WWOX: variants seen among roughly 807,000 people sequenced by gnomAD.
The protein encoded by WWOX is WW domain-containing oxidoreductase.
WWOX carries 69 observed loss-of-function variants against 46.2 expected under a neutral mutation model. That is an observed-to-expected ratio of 1.49 (90% confidence interval 1.23 to 1.82). The LOEUF is 1.82. Ranked by LOEUF, WWOX falls within the 40% of genes most tolerant of loss-of-function variation. WWOX has a pLI of 0.00. For missense variants in WWOX, 919 were observed against 542.6 expected (o/e 1.69, Z -6.89); for synonymous variants, 359 against 202.6 (o/e 1.77, Z -6.56).
intron 5 of WWOX, among the ~76,000 whole-genome samples, chr16:78,332,350 A>T (rs1196285815): frequency 6.6e-6 from 1 of 152,240 alleles, no homozygotes; most frequent in African/African-American, 2.4e-5. Flanking sequence ...CCAGTGGATT[A>T]TGAGTGCCTT....
At chr16:78,746,692 A>G (rs1314370629) in intron 8 of WWOX, among the ~76,000 whole-genome samples, 3 of 151,824 alleles carry the variant, frequency 2.0e-5, no homozygotes, top group African/African-American at 7.3e-5. Context: ...TTTTTCCCAT[A>G]GCCAATGCCT....
chr16:78,153,342 A>G (rs527927892), intron 4 of WWOX, among the ~76,000 whole-genome samples: 1 of 152,280 alleles, frequency 6.6e-6, no homozygotes, highest in Admixed American at 6.5e-5. Flanking sequence ...ATTTACATTA[A>G]TCAGATTAGT....
At chr16:78,440,161 C>T (rs2083413186) in intron 8 of WWOX, among the ~76,000 whole-genome samples, 1 of 152,072 alleles carries the variant, frequency 6.6e-6, no homozygotes, top group South Asian at 2.1e-4. Flanking sequence ...TACGTATGTA[C>T]ATATTTTAAT....
chr16:78,428,051 G>C (rs980347612), intron 7 of WWOX, among the ~76,000 whole-genome samples: 6 of 152,172 alleles, frequency 3.9e-5, no homozygotes, highest in Non-Finnish European at 7.3e-5. Context: ...CTGGGTGACA[G>C]AGCAAGACCC....
chr16:79,070,837 T>G (rs1301018288), intron 8 of WWOX, among the ~76,000 whole-genome samples: 1 of 152,148 alleles, frequency 6.6e-6, no homozygotes. Flanking sequence ...TCTATATTGG[T>G]GAGGGAGTGG....
At chr16:78,182,950 CAAAAA>C (rs1193436425) in intron 5 of WWOX, among the ~76,000 whole-genome samples, 2 of 115,086 alleles carry the variant, frequency 1.7e-5, no homozygotes, top group Admixed American at 9.3e-5. Flanking sequence ...GAATCTGTCT[CAAAAA>C]AAAAAAAAAA....
chr16:79,126,665 A>T (rs1270599906), intron 8 of WWOX, among the ~76,000 whole-genome samples: 1 of 152,200 alleles, frequency 6.6e-6, no homozygotes, highest in African/African-American at 2.4e-5. Context: ...TAGCAGTGTA[A>T]GAACAGACTA....
intron 8 of WWOX, among the ~76,000 whole-genome samples, chr16:79,110,512 C>G (rs942683119): frequency 1.5e-4 from 23 of 152,308 alleles, no homozygotes; most frequent in Middle Eastern, 6.8e-3. Context: ...TGACCCAATT[C>G]TGACTAGTAA....
chr16:78,983,867 A>ATTTTT (rs1597237492), intron 8 of WWOX, among the ~76,000 whole-genome samples: 2 of 53,840 alleles, frequency 3.7e-5, no homozygotes, highest in Non-Finnish European at 4.7e-5. Context: ...TATGAGAGCT[A>ATTTTT]TTCTTTTTTT....
intron 8 of WWOX, among the ~76,000 whole-genome samples, chr16:79,024,064 GAC>G (rs1442572555): frequency 2.0e-5 from 3 of 152,202 alleles, no homozygotes; most frequent in Non-Finnish European, 4.4e-5. Context: ...CCTCCAAAGA[GAC>G]AGAAAGCAAG....
intron 8 of WWOX, among the ~76,000 whole-genome samples, chr16:78,910,763 A>G (rs964505513): frequency 7.2e-5 from 11 of 151,926 alleles, no homozygotes; most frequent in South Asian, 2.1e-4. Flanking sequence ...CTTACTCACT[A>G]TCACAGAAAC....
intron 4 of WWOX, among the ~76,000 whole-genome samples, chr16:78,146,789 CA>C (rs1227544527): frequency 6.6e-6 from 1 of 152,152 alleles, no homozygotes; most frequent in Non-Finnish European, 1.5e-5. Context: ...ATGTTATAAC[CA>C]AAAAGGTCAA....
intron 8 of WWOX, among the ~76,000 whole-genome samples, chr16:78,808,648 A>G (rs1163234705): frequency 6.6e-6 from 1 of 152,202 alleles, no homozygotes; most frequent in Non-Finnish European, 1.5e-5. Context: ...AAAACATGCC[A>G]TCATCTTTAA....
chr16:78,250,239 T>C (rs2037947938), intron 5 of WWOX, among the ~76,000 whole-genome samples: 1 of 152,172 alleles, frequency 6.6e-6, no homozygotes. Flanking sequence ...TCTGGCACAT[T>C]AGCGAGAGCT....
chr16:78,959,130 AC>A (rs2046225250), intron 8 of WWOX, among the ~76,000 whole-genome samples: 1 of 152,212 alleles, frequency 6.6e-6, no homozygotes, highest in Admixed American at 6.5e-5. Flanking sequence ...ATCCGAACTT[AC>A]CGCTAGGTAT....
At chr16:78,603,005 T>C (rs142306530) in intron 8 of WWOX, among the ~76,000 whole-genome samples, 93 of 152,368 alleles carry the variant, frequency 6.1e-4, no homozygotes, top group Non-Finnish European at 9.7e-4. Flanking sequence ...AATGTAATAC[T>C]CCACCTTGCC....
chr16:78,354,313 T>TTTTTTC (rs2081242190), intron 5 of WWOX, among the ~76,000 whole-genome samples: 1 of 18,740 alleles, frequency 5.3e-5, no homozygotes, highest in African/African-American at 2.8e-4. Context: ...TGTGCTTAAC[T>TTTTTTC]TTTTTTTTTT....
chr16:78,495,394 G>A (rs1283025900), intron 8 of WWOX, among the ~76,000 whole-genome samples: 1 of 151,542 alleles, frequency 6.6e-6, no homozygotes, highest in Non-Finnish European at 1.5e-5. Context: ...GCCCGCCTTG[G>A]CCTCCCAAAG....
At chr16:78,722,278 TTACCAGTTTTCTCAAG>T (rs1282250367) in intron 8 of WWOX, among the ~76,000 whole-genome samples, 2 of 152,170 alleles carry the variant, frequency 1.3e-5, no homozygotes. Context: ...GCTCTGGCGC[TTACCAGTTTTCTCAAG>T]TGACTTTGAG....
Sources: allele counts gnomAD v4.1 joint callset (sites outside exome capture counted in the v4.1 genomes callset), GRCh38; gene constraint gnomAD v4.1.1; transcripts MANE v1.5; gene names NCBI Gene and HGNC (gene_info 2026-07-23, HGNC 2026-07-21).